Variants in CHRNG observed in about 807,000 individuals in gnomAD.
The protein encoded by CHRNG is cholinergic receptor nicotinic gamma subunit, also known as acetylcholine receptor subunit gamma.
Under a neutral mutation model 65.2 loss-of-function variants are expected in CHRNG, and 72 were observed. The observed-to-expected ratio is 1.10, with a 90% CI of 0.91 to 1.34. The LOEUF is 1.34. Ranked by LOEUF, CHRNG falls within the 40% of genes most tolerant of loss-of-function variation. The pLI is 0.00. For missense variants in CHRNG, 637 were observed against 680.1 expected, an observed-to-expected ratio of 0.94 and a Z score of 0.70; for synonymous variants, 284 against 290.2, an observed-to-expected ratio of 0.98 and a Z score of 0.22.
In CHRNG at chr2:232,540,759, T is replaced by C. The variant is rs780703045; in HGVS notation, c.350+48T>C. 6.6e-7 allele frequency: 1 copy of C among 1,525,816 alleles called. No individual in the cohort carries two copies. The highest frequency in any genetic ancestry group is 9.0e-7 in the Non-Finnish European group (1 of 1,115,638). The allele number at this position is 1,525,816 out of a possible 1,614,324, so 94.5% of individuals were successfully genotyped here. On this transcript the variant is annotated intron_variant, in intron 4 of 11. Transcript: ENST00000651502. The surrounding 1 kb of genome is among the most constrained non-coding windows in gnomAD (Gnocchi z 4.2). ...GGTGTGGGGGACAAAGGACACAGGG[T>C]CTGGGCCCAGCAGAACAAGGCACTC... is the stretch of plus-strand genomic sequence containing the variant.
chr2:232,544,389 A>G lies in CHRNG; in HGVS notation c.1058A>G (p.Gln353Arg), dbSNP rs1474161904. Reference sequence around the variant, plus strand: ...TAGGTGTTCCTGAGGCTCTTGCCCCAGCTGCTGAGGATGCACGTTCGCCCG... The same window carrying G: ...TAGGTGTTCCTGAGGCTCTTGCCCCGGCTGCTGAGGATGCACGTTCGCCCG... ...VRKVFLRLLP[Q>R]LLRMHVRPLA... The change falls in exon 10 of 12, where the codon CAG becomes CGG. Residue 353 changes from glutamine (Q) to arginine (R), a missense_variant. Physicochemically the swap from Gln to Arg is conservative, Grantham distance 43. Transcript: ENST00000651502. 5.6e-6 allele frequency: 9 copies of G among 1,613,380 alleles called. No individual in the cohort carries two copies. The South Asian group carries it at 9.9e-5, about 18-fold the overall frequency.
At chr2:232,542,383 C>T (rs2106221248) in intron 5 of CHRNG, 40 bp from the exon 6 acceptor site, 4 of 1,402,062 alleles carry the variant, frequency 2.9e-6, no homozygotes, top group Non-Finnish European at 4.0e-6. Context: ...GTGGCAGGTC[C>T]ACCCGCTCAC....
In CHRNG at chr2:232,541,806, A is replaced by G. The variant is rs886193640; in HGVS notation, c.506+277A>G. 5 of 545,182 alleles carry G rather than the reference A, an allele frequency of 9.2e-6. No homozygotes were observed. The highest frequency in any genetic ancestry group is 1.3e-5 in the Non-Finnish European group (4 of 301,762). The allele number at this position is 545,182 out of a possible 1,614,324, so 33.8% of individuals were successfully genotyped here. A position where few individuals can be genotyped will look rare whatever the true frequency, so the allele number is the denominator to read the frequency against. On this transcript the variant is annotated intron_variant, in intron 5 of 11. Coordinates refer to ENST00000651502, the MANE Select transcript of CHRNG (RefSeq NM_005199.5). This position sits in a 1 kb window ranked among gnomAD's most constrained non-coding sequence, Gnocchi z 4.0. ...CATTCACGCCTGGGGTGCGTGGGTGAGAAGGCACACATGCACACAAGATGC... is the reference window on the plus strand; with the variant it reads ...CATTCACGCCTGGGGTGCGTGGGTGGGAAGGCACACATGCACACAAGATGC...
chr2:232,545,331 A>C (rs1213183533), intron 11 of CHRNG, among the ~76,000 whole-genome samples: 1 of 148,700 alleles, frequency 6.7e-6, no homozygotes, highest in Non-Finnish European at 1.5e-5. Flanking sequence ...AAAAAAAAAA[A>C]AGGAAAGAAA....
Position 232,540,616 on chromosome 2 carries a change from T to C in CHRNG, c.255T>C (p.Tyr85=). The change falls in exon 4 of 12, where the codon TAT becomes TAC. Residue 85 remains tyrosine, a synonymous_variant. Transcript: ENST00000651502. This position sits in a 1 kb window ranked among gnomAD's most constrained non-coding sequence, Gnocchi z 4.2. ...NVWIEMQWCD[Y]RLRWDPRDYE... is the part of the protein sequence containing the mutation. ...TCCCCCTGCAGCAGTGGTGCGACTA[T>C]CGCCTGCGCTGGGATCCGCGAGACT... is the stretch of plus-strand genomic sequence containing the variant. 1.2e-6 allele frequency: 2 copies of C among 1,612,230 alleles called. No homozygotes were observed. Among genetic ancestry groups the C allele is most frequent in the Non-Finnish European group, 1.7e-6 (2 of 1,179,902 alleles).
At chr2:232,545,120 A>G (rs1692100286) in intron 11 of CHRNG, among the ~76,000 whole-genome samples, 1 of 152,058 alleles carries the variant, frequency 6.6e-6, no homozygotes, top group African/African-American at 2.4e-5. Flanking sequence ...AACATGGCAA[A>G]ACCCTATCTC....
chr2:232,543,490 T>A, intron 8 of CHRNG, 95 bp from the exon 9 acceptor site: 3 of 1,152,772 alleles, frequency 2.6e-6, no homozygotes, highest in South Asian at 1.3e-5. Flanking sequence ...ACCCCCCCCA[T>A]CCTCAATTCA....
In CHRNG at chr2:232,542,000, C is replaced by T. The variant is rs1692026251; in HGVS notation, c.507-423C>T. The T allele has an allele frequency of 1.3e-5, 4 of 313,546 alleles. No homozygotes were observed. Among genetic ancestry groups the T allele is most frequent in the South Asian group, 1.0e-4 (3 of 29,050 alleles). 19.4% of individuals were successfully genotyped at this position (313,546 alleles called of 1,614,324 possible). ...TCAAACCTAAGTGTGGGGAGGAGGG[C>T]CCGGGGGAGGGTTCTCCTGTACCTT... On this transcript the variant is annotated intron_variant, in intron 5 of 11. Transcript: ENST00000651502. The surrounding 1 kb of genome is among the most constrained non-coding windows in gnomAD (Gnocchi z 4.0).
At position 232,542,927 on chromosome 2, in the gene CHRNG, T is replaced by C. The variant is rs762950375; in HGVS notation, c.650T>C (p.Leu217Pro). 5 of 1,614,226 alleles carry C rather than the reference T, an allele frequency of 3.1e-6. No individual in the cohort carries two copies. The highest frequency in any genetic ancestry group is 2.2e-5 in the South Asian group (2 of 91,092). The part of the protein sequence containing the change: ...AIQHRPAKML[L>P]DPAAPAQEAG... ...CAGCACCGACCAGCCAAGATGCTCC[T>C]GGACCCAGCGGCGCCAGCCCAGGAA... is the stretch of plus-strand genomic sequence containing the variant. The change falls in exon 7 of 12, where the codon CTG (leucine) becomes CCG (proline). Residue 217 changes from leucine to proline, a missense_variant. Leu to Pro is a moderately conservative substitution (Grantham distance 98). Coordinates refer to ENST00000651502, the MANE Select transcript of CHRNG (RefSeq NM_005199.5).
intron 6 of CHRNG, 39 bp from the exon 7 acceptor site, chr2:232,542,843 G>T: frequency 6.3e-7 from 1 of 1,575,108 alleles, no homozygotes; most frequent in Non-Finnish European, 8.7e-7. Flanking sequence ...CCTAGCTCAC[G>T]CTTCTTGTGC....
chr2:232,541,111 TATTATTATG>T lies in CHRNG; in HGVS notation c.351-258_351-250del, dbSNP rs892723298. On this transcript the variant is annotated intron_variant, in intron 4 of 11. Coordinates refer to ENST00000651502, the MANE Select transcript of CHRNG (RefSeq NM_005199.5). This position sits in a 1 kb window ranked among gnomAD's most constrained non-coding sequence, Gnocchi z 4.0. ...CTATTATGACTATTATTATTATTATTATTATTATGATTAAAACAAGAGAGAGTAAGATAA... is the reference window on the plus strand; with the variant it reads ...CTATTATGACTATTATTATTATTATTATTAAAACAAGAGAGAGTAAGATAA... Among the ~76,000 whole-genome samples the T allele has an allele frequency of 3.5e-5, 5 of 141,042 alleles. No individual in the cohort carries two copies. Among genetic ancestry groups the T allele is most frequent in the South Asian group, 2.2e-4 (1 of 4,512 alleles). The allele number at this position is 141,042 out of a possible 152,430, so 92.5% of individuals were successfully genotyped here. A position where few individuals can be genotyped will look rare whatever the true frequency, so the allele number is the denominator to read the frequency against.
At position 232,542,926 on chromosome 2, in the gene CHRNG, C is replaced by G; in HGVS notation, c.649C>G (p.Leu217Val). The stretch of plus-strand genomic sequence containing the variant: ...CCAGCACCGACCAGCCAAGATGCTC[C>G]TGGACCCAGCGGCGCCAGCCCAGGA... ...AIQHRPAKML[L>V]DPAAPAQEAG... is the part of the protein sequence containing the mutation. Residue 217 changes from leucine to valine, a missense_variant, in exon 7 of 12, where the codon CTG becomes GTG. Coordinates refer to ENST00000651502, the MANE Select transcript of CHRNG (RefSeq NM_005199.5). 6.2e-7 allele frequency: 1 copy of G among 1,614,220 alleles called. No individual in the cohort carries two copies. Among genetic ancestry groups the G allele is most frequent in the Non-Finnish European group, 8.5e-7 (1 of 1,180,046 alleles).
chr2:232,543,036 GCTCAT>G lies in CHRNG; in HGVS notation c.763_767del (p.Ile255LeufsTer41). 2 of 1,614,244 alleles carry G rather than the reference GCTCAT, an allele frequency of 1.2e-6. No individual in the cohort carries two copies. Among genetic ancestry groups the G allele is most frequent in the Non-Finnish European group, 1.7e-6 (2 of 1,180,042 alleles). On this transcript the variant is annotated frameshift_variant, in exon 7 of 12. Coordinates refer to ENST00000651502, the MANE Select transcript of CHRNG (RefSeq NM_005199.5). LOFTEE classifies it high-confidence loss of function. Reference sequence around the variant, plus strand: ...TCATCAACATCATCGCCCCCTGTGTGCTCATCTCCTCTGTCGCCATCCTCATCCAC... The same window carrying G: ...TCATCAACATCATCGCCCCCTGTGTGCTCCTCTGTCGCCATCCTCATCCAC...
In CHRNG at chr2:232,543,049, G is replaced by A; in HGVS notation, c.772G>A (p.Val258Ile). ...IIAPCVLISS[V>I]AILIHFLPAK... is the part of the protein sequence containing the mutation. Reference sequence around the variant, plus strand: ...CGCCCCCTGTGTGCTCATCTCCTCTGTCGCCATCCTCATCCACTTCCTTCC... The same window carrying A: ...CGCCCCCTGTGTGCTCATCTCCTCTATCGCCATCCTCATCCACTTCCTTCC... The change falls in exon 7 of 12, where the codon GTC (valine) becomes ATC (isoleucine). Residue 258 changes from valine to isoleucine, a missense_variant. Coordinates refer to ENST00000651502, the MANE Select transcript of CHRNG (RefSeq NM_005199.5). The A allele has an allele frequency of 6.2e-7, 1 of 1,614,202 alleles. No individual in the cohort carries two copies. Among genetic ancestry groups the A allele is most frequent in the Non-Finnish European group, 8.5e-7 (1 of 1,180,036 alleles).
chr2:232,548,025 G>C lies in CHRNG; in HGVS notation c.*2309G>C, dbSNP rs1692161282. On this transcript the variant is annotated 3_prime_UTR_variant, in exon 12 of 12. Transcript: ENST00000651502. ...TATGTTTACACTATACTGTAGACCA[G>C]CAAGAGTGCAATAGCATTGTCTAAT... The C allele has an allele frequency of 1.9e-6, 1 of 539,670 alleles. No homozygotes were observed. The highest frequency in any genetic ancestry group is 3.1e-5 in the East Asian group (1 of 32,032). The allele number at this position is 539,670 out of a possible 1,614,324, so 33.4% of individuals were successfully genotyped here.
Position 232,545,600 on chromosome 2 carries a change from A to G in CHRNG, c.1438A>G (p.Met480Val), listed in dbSNP as rs781211383. The change falls in exon 12 of 12, where the codon ATG (methionine) becomes GTG (valine). Residue 480 changes from methionine to valine, a missense_variant. By Grantham distance (21) the Met-to-Val change is conservative. Coordinates refer to ENST00000651502, the MANE Select transcript of CHRNG (RefSeq NM_005199.5). Reference protein sequence around the residue: ...RVLDRVCFLAMLSLFICGTAG... With the variant: ...RVLDRVCFLAVLSLFICGTAG... ...GCTGGACCGCGTCTGCTTCCTGGCCATGCTCTCGCTCTTCATCTGTGGCAC... is the reference window on the plus strand; with the variant it reads ...GCTGGACCGCGTCTGCTTCCTGGCCGTGCTCTCGCTCTTCATCTGTGGCAC... 6.2e-7 allele frequency: 1 copy of G among 1,614,060 alleles called. No individual in the cohort carries two copies.
At position 232,541,374 on chromosome 2, in the gene CHRNG, C is replaced by T. The variant is rs767046286; in HGVS notation, c.351C>T (p.Asn117=). ...VWRPDIVLEN[N]VDGVFEVALY... ...GGCCTGGCCTGTTCTGTGCATACAG[C>T]GTGGACGGTGTCTTCGAGGTGGCCC... is the stretch of plus-strand genomic sequence containing the variant. Residue 117 remains asparagine, a splice_region_variant and synonymous_variant, in exon 5 of 12, where the codon AAC becomes AAT. Transcript: ENST00000651502. The surrounding 1 kb of genome is among the most constrained non-coding windows in gnomAD (Gnocchi z 4.0). The T allele has an allele frequency of 9.9e-6, 16 of 1,614,028 alleles. No individual in the cohort carries two copies. Among genetic ancestry groups the T allele is most frequent in the East Asian group, 2.2e-5 (1 of 44,882 alleles).
rs1053511852 is a variant in CHRNG at position 232,547,243 on chromosome 2, C to G, written c.*1527C>G. Among the ~76,000 whole-genome samples, 1 of 151,946 alleles carries G rather than the reference C, an allele frequency of 6.6e-6. No homozygotes were observed. The highest frequency in any genetic ancestry group is 2.4e-5 in the African/African-American group (1 of 41,358). On this transcript the variant is annotated 3_prime_UTR_variant, in exon 12 of 12. Coordinates refer to ENST00000651502, the MANE Select transcript of CHRNG (RefSeq NM_005199.5). ...CCCAGCCTGGGCAACATGGGGACACCCGGCCTCTACCAAAAAATACAAAAC... is the reference window on the plus strand; with the variant it reads ...CCCAGCCTGGGCAACATGGGGACACGCGGCCTCTACCAAAAAATACAAAAC...
rs1026653330 is a variant in CHRNG at position 232,546,855 on chromosome 2, CAAGG to C, written c.*1143_*1146del. Among the ~76,000 whole-genome samples the C allele has an allele frequency of 2.0e-5, 3 of 152,138 alleles. No homozygotes were observed. Among genetic ancestry groups the C allele is most frequent in the Non-Finnish European group, 4.4e-5 (3 of 68,042 alleles). On this transcript the variant is annotated 3_prime_UTR_variant, in exon 12 of 12. Coordinates refer to ENST00000651502, the MANE Select transcript of CHRNG (RefSeq NM_005199.5). Reference sequence around the variant, plus strand: ...CCTTCTTCCCAAAGGATGGTTAAGACAAGGAAGAGCTAGGCAAGAGGAGGTGTGG... The same window carrying C: ...CCTTCTTCCCAAAGGATGGTTAAGACAAGAGCTAGGCAAGAGGAGGTGTGG...
Sources: gnomAD v4.1 joint callset for allele counts (sites outside exome capture counted in the v4.1 genomes callset) on GRCh38, gnomAD v4.1.1 for gene constraint, Gnocchi (gnomAD v3.1) non-coding constraint, MANE v1.5 for transcripts, NCBI Gene and HGNC (gene_info 2026-07-23, HGNC 2026-07-21) for gene names.